Variants in CELF1 observed in about 807,000 individuals in gnomAD.
CELF1 encodes CUGBP Elav-like family member 1.
A neutral mutation model predicts 61.8 loss-of-function variants in CELF1; 10 were observed. That is an observed-to-expected ratio of 0.16 (90% CI 0.10 to 0.27). The LOEUF is 0.27. Ranked by LOEUF, CELF1 falls within the 10% of genes least tolerant of loss-of-function variation. The pLI is 1.00. For synonymous variants in CELF1, 236 were observed against 225.1 expected, an observed-to-expected ratio of 1.05 and a Z score of -0.43; for missense variants, 380 against 639.1, an observed-to-expected ratio of 0.59 and a Z score of 4.37.
chr11:47,495,622 A>G (rs2092943748), intron 3 of CELF1, among the ~76,000 whole-genome samples: 1 of 152,230 alleles, frequency 6.6e-6, no homozygotes, highest in Non-Finnish European at 1.5e-5. Flanking sequence ...AACCAAAGTT[A>G]TAAGGTAGTT....
chr11:47,536,874 T>G (rs2096642979), intron 1 of CELF1, among the ~76,000 whole-genome samples: 1 of 152,224 alleles, frequency 6.6e-6, no homozygotes, highest in Admixed American at 6.5e-5. Flanking sequence ...CTTTCCATAA[T>G]TATTTCCCAT....
In CELF1 at chr11:47,466,154, TAC is replaced by T. The variant is rs2076647440; in HGVS notation, c.*6074_*6075del. ...AATTTTTTTTTCTTTTTAAATTCAC[TAC>T]ACAAACTCTGTGATTAGGTAAGAAA... On this transcript the variant is annotated 3_prime_UTR_variant, in exon 15 of 15. Transcript: ENST00000687097. The T allele has an allele frequency of 6.6e-6, 1 of 152,214 alleles. No homozygotes were observed. The highest frequency in any genetic ancestry group is 2.4e-5 in the African/African-American group (1 of 41,446). 9.4% of individuals were successfully genotyped at this position (152,214 alleles called of 1,614,324 possible). A position where few individuals can be genotyped will look rare whatever the true frequency, so the allele number is the denominator to read the frequency against.
chr11:47,500,981 T>C (rs545950899), intron 1 of CELF1, 49 bp from the exon 2 acceptor site: 4 of 358,112 alleles, frequency 1.1e-5, no homozygotes, highest in Admixed American at 9.5e-5. Context: ...GAGTTAACGT[T>C]AAAAAAAAAA....
intron 9 of CELF1, chr11:47,482,320 T>TACTC (rs2083808403): frequency 1.2e-5 from 2 of 160,332 alleles, no homozygotes; most frequent in African/African-American, 4.8e-5. Context: ...TCAATAAGGA[T>TACTC]TTTAATGATG....
rs1565717559 is a variant in CELF1 at position 47,469,779 on chromosome 11, G to GT, written c.*2450dup. The GT allele has an allele frequency of 6.6e-6, 1 of 152,268 alleles. No homozygotes were observed. The highest frequency in any genetic ancestry group is 1.5e-5 in the Non-Finnish European group (1 of 68,080). 9.4% of individuals were successfully genotyped at this position (152,268 alleles called of 1,614,324 possible). A position where few individuals can be genotyped will look rare whatever the true frequency, so the allele number is the denominator to read the frequency against. Reference sequence around the variant, plus strand: ...GCAGGTATGAAGCCCTCAGGGTCTGGTATCAAAGGTGGGTGGATTGCACCT... The same window carrying GT: ...GCAGGTATGAAGCCCTCAGGGTCTGGTTATCAAAGGTGGGTGGATTGCACCT... On this transcript the variant is annotated 3_prime_UTR_variant, in exon 15 of 15. Transcript: ENST00000687097.
chr11:47,523,895 T>C (rs2096085735), intron 1 of CELF1: 1 of 152,162 alleles, frequency 6.6e-6, no homozygotes, highest in African/African-American at 2.4e-5. Context: ...ACCAAGAAAG[T>C]ATCCTTTTAA....
intron 1 of CELF1, among the ~76,000 whole-genome samples, chr11:47,535,850 C>A (rs952462530): frequency 4.6e-5 from 7 of 151,504 alleles, no homozygotes; most frequent in Non-Finnish European, 8.8e-5. Context: ...GCAATCTCCA[C>A]CTCCTGGGTT....
At chr11:47,475,598 T>G (rs2079660258) in intron 12 of CELF1, 77 bp from the exon 13 acceptor site, 10 of 1,453,290 alleles carry the variant, frequency 6.9e-6, no homozygotes, top group Non-Finnish European at 9.4e-6. Flanking sequence ...TTGGGACATC[T>G]AGAAGAGGGA....
intron 1 of CELF1, among the ~76,000 whole-genome samples, chr11:47,544,632 T>C (rs968624175): frequency 8.5e-5 from 13 of 152,256 alleles, no homozygotes; most frequent in Non-Finnish European, 1.3e-4. Flanking sequence ...TTATTTCTAT[T>C]TTATTTGCCT....
At chr11:47,512,303 C>A (rs2095256362) in intron 1 of CELF1, among the ~76,000 whole-genome samples, 1 of 152,256 alleles carries the variant, frequency 6.6e-6, no homozygotes, top group South Asian at 2.1e-4. Context: ...CAGGCACTGG[C>A]CACCAAGCCT....
intron 1 of CELF1, among the ~76,000 whole-genome samples, chr11:47,503,487 T>C (rs1397501018): frequency 1.3e-5 from 2 of 152,136 alleles, no homozygotes; most frequent in Non-Finnish European, 2.9e-5. Context: ...GATTAGAAGC[T>C]ACTACTGAAA....
At chr11:47,473,450 T>G (rs927337383) in intron 13 of CELF1, among the ~76,000 whole-genome samples, 1 of 152,060 alleles carries the variant, frequency 6.6e-6, no homozygotes, top group Admixed American at 6.5e-5. Flanking sequence ...TCCATCTCAT[T>G]GAGGATGTGA....
intron 1 of CELF1, chr11:47,524,643 G>C (rs2096143899): frequency 6.6e-6 from 1 of 152,230 alleles, no homozygotes; most frequent in Non-Finnish European, 1.5e-5. Context: ...GCCGGTGCGG[G>C]TGCCAAAGGG....
chr11:47,481,371 C>A (rs1190239667), intron 9 of CELF1, among the ~76,000 whole-genome samples: 3 of 151,964 alleles, frequency 2.0e-5, no homozygotes, highest in Non-Finnish European at 2.9e-5. Context: ...CTCAGGCGAT[C>A]CACTCACCTC....
intron 4 of CELF1, 80 bp from the exon 5 acceptor site, chr11:47,487,321 C>G: frequency 9.3e-7 from 1 of 1,074,334 alleles, no homozygotes; most frequent in Non-Finnish European, 1.4e-6. Flanking sequence ...ACTGACAGAT[C>G]AGATCTTAAA....
upstream of CELF1, among the ~76,000 whole-genome samples, chr11:47,555,430 G>C (rs918588551): frequency 1.3e-5 from 2 of 152,104 alleles, no homozygotes; most frequent in African/African-American, 4.8e-5. Context: ...TCTGTGCCTT[G>C]ACTTAGGGCT....
At chr11:47,479,985 C>T (rs2082065668) in intron 9 of CELF1, among the ~76,000 whole-genome samples, 1 of 152,108 alleles carries the variant, frequency 6.6e-6, no homozygotes, top group African/African-American at 2.4e-5. Flanking sequence ...ACCAACTCCT[C>T]CAGGACAGTA....
chr11:47,493,764 A>C (rs2092456028), intron 3 of CELF1, among the ~76,000 whole-genome samples: 1 of 152,160 alleles, frequency 6.6e-6, no homozygotes, highest in African/African-American at 2.4e-5. Flanking sequence ...ACAGCTTGAG[A>C]AGCACTACCA....
At chr11:47,476,448 C>T (rs929108985) in intron 12 of CELF1, among the ~76,000 whole-genome samples, 3 of 152,016 alleles carry the variant, frequency 2.0e-5, no homozygotes, top group Non-Finnish European at 4.4e-5. Context: ...TTTTTTGAGA[C>T]GGACTCTCGC....
Sources: gnomAD v4.1 joint callset for allele counts (sites outside exome capture counted in the v4.1 genomes callset) on GRCh38, gnomAD v4.1.1 for gene constraint, MANE v1.5 for transcripts, NCBI Gene and HGNC (gene_info 2026-07-23, HGNC 2026-07-21) for gene names.